The following CES3 variants were observed in gnomAD, a reference collection of about 807,000 sequenced individuals.
CES3 encodes the protein carboxylesterase 3 (brain).
CES3 carries 49 observed loss-of-function variants against 57.6 expected under a neutral mutation model. The observed-to-expected ratio is 0.85, with a 90% CI of 0.68 to 1.08. CES3 has a LOEUF of 1.08. Ranked by LOEUF, CES3 falls within the 50% of genes least tolerant of loss-of-function variation. The pLI is 0.00. For missense variants in CES3, 645 were observed against 742.0 expected, an observed-to-expected ratio of 0.87 and a Z score of 1.52; for synonymous variants, 266 against 281.6, an observed-to-expected ratio of 0.94 and a Z score of 0.55.
rs1274335439 is a variant in CES3 at position 66,973,583 on chromosome 16, G to T, written c.*534G>T. 1 of 154,850 alleles carries T rather than the reference G, an allele frequency of 6.5e-6. No individual in the cohort carries two copies. Among genetic ancestry groups the T allele is most frequent in the Non-Finnish European group, 1.4e-5 (1 of 69,870 alleles). The allele number at this position is 154,850 out of a possible 1,614,324, so 9.6% of individuals were successfully genotyped here. On this transcript the variant is annotated 3_prime_UTR_variant, in exon 13 of 13. Transcript: ENST00000303334. The stretch of plus-strand genomic sequence containing the variant: ...ATGGCAGCTGCTGAACTTGAACCCA[G>T]AGCCTTCAGGTGCCAAAGCCATACT...
intron 1 of CES3, among the ~76,000 whole-genome samples, chr16:66,961,649 C>T (rs1381206753): frequency 1.3e-5 from 2 of 152,058 alleles, no homozygotes; most frequent in Admixed American, 6.6e-5. Context: ...CTGCAACCTC[C>T]GCCTCCTGGA....
In CES3 at chr16:66,963,704, C is replaced by T. The variant is rs754542049; in HGVS notation, c.426+75C>T. The T allele has an allele frequency of 9.3e-6, 15 of 1,613,032 alleles. No homozygotes were observed. In the Admixed American group the frequency reaches 2.5e-4, roughly 27 times the overall value. On this transcript the variant is annotated intron_variant, in intron 3 of 12. Transcript: ENST00000303334. The surrounding 1 kb of genome is among the most constrained non-coding windows in gnomAD (Gnocchi z 4.9). ...ACCTGTCCCCTCCCCGTCCCTGTTTCCAAAGCACCCTAGCGGTCCTGAGAC... is the reference window on the plus strand; with the variant it reads ...ACCTGTCCCCTCCCCGTCCCTGTTTTCAAAGCACCCTAGCGGTCCTGAGAC...
intron 10 of CES3, 69 bp downstream of exon 10, chr16:66,971,388 A>T (rs1346231762): frequency 1.3e-6 from 2 of 1,533,452 alleles, no homozygotes; most frequent in African/African-American, 2.7e-5. Flanking sequence ...ATCACAGGTG[A>T]CATGGCATGA....
chr16:66,973,046 C>G lies in CES3; in HGVS notation c.1713C>G (p.Leu571=), dbSNP rs772435071. The change falls in exon 13 of 13, where the codon CTC becomes CTG. Residue 571 remains leucine (L), a synonymous_variant. Coordinates refer to ENST00000303334, the MANE Select transcript of CES3 (RefSeq NM_024922.6). ...KQKNRKAQED[L] ...AGAACAGGAAGGCCCAGGAGGACCT[C>G]TGAGGCCAGGCCTGAACCTTCTTGG... is the stretch of plus-strand genomic sequence containing the variant. 1 of 1,613,402 alleles carries G rather than the reference C, an allele frequency of 6.2e-7. No individual in the cohort carries two copies. The highest frequency in any genetic ancestry group is 8.5e-7 in the Non-Finnish European group (1 of 1,179,796).
chr16:66,967,633 T>C (rs1963754543), intron 8 of CES3: 1 of 985,278 alleles, frequency 1.0e-6, no homozygotes, highest in African/African-American at 1.7e-5. Flanking sequence ...ATCTTGTTTC[T>C]GTCATTCTTA....
At chr16:66,964,998 C>T (rs770114619) in intron 6 of CES3, among the ~76,000 whole-genome samples, 5 of 152,210 alleles carry the variant, frequency 3.3e-5, no homozygotes, top group Middle Eastern at 3.2e-3. Context: ...CCTCTCTGCC[C>T]CAGGCAGCAT....
chr16:66,964,457 A>G lies in CES3; in HGVS notation c.661A>G (p.Asn221Asp). 6.2e-7 allele frequency: 1 copy of G among 1,613,910 alleles called. No homozygotes were observed. Among genetic ancestry groups the G allele is most frequent in the Non-Finnish European group, 8.5e-7 (1 of 1,179,942 alleles). ...ENIAPFGGDLNCVTVFGGSAG... is the reference protein window; with the variant it reads ...ENIAPFGGDLDCVTVFGGSAG... ...CATCGCCCCCTTCGGGGGTGACCTC[A>G]ACTGTGTCACTGTCTTTGGTGGATC... The change falls in exon 5 of 13, where the codon AAC becomes GAC. Residue 221 changes from asparagine to aspartate, a missense_variant. Physicochemically the swap from Asn to Asp is conservative, Grantham distance 23. Coordinates refer to ENST00000303334, the MANE Select transcript of CES3 (RefSeq NM_024922.6).
chr16:66,963,809 T>C lies in CES3; in HGVS notation c.434T>C (p.Val145Ala). The change falls in exon 4 of 13, where the codon GTA (valine) becomes GCA (alanine). Residue 145 changes from valine (V) to alanine (A), a missense_variant. Transcript: ENST00000303334. The surrounding 1 kb of genome is among the most constrained non-coding windows in gnomAD (Gnocchi z 4.9). The stretch of plus-strand genomic sequence containing the variant: ...CCATGGCCACCTCTGCAGGTCATGG[T>C]ATGGGTCCATGGAGGCGCTCTGATA... ...VPAGSGRPVM[V>A]WVHGGALITG... 1 of 1,613,964 alleles carries C rather than the reference T, an allele frequency of 6.2e-7. No homozygotes were observed. Among genetic ancestry groups the C allele is most frequent in the South Asian group, 1.1e-5 (1 of 91,086 alleles).
intron 6 of CES3, among the ~76,000 whole-genome samples, chr16:66,965,524 A>G (rs1015095497): frequency 6.6e-6 from 1 of 152,164 alleles, no homozygotes; most frequent in Non-Finnish European, 1.5e-5. Flanking sequence ...CATTTTAACC[A>G]CTGTGTACAA....
chr16:66,963,512 C>G lies in CES3; in HGVS notation c.309C>G (p.Ser103Arg). 1 of 1,614,020 alleles carries G rather than the reference C, an allele frequency of 6.2e-7. No homozygotes were observed. The highest frequency in any genetic ancestry group is 1.3e-5 in the African/African-American group (1 of 75,048). Residue 103 changes from serine (S) to arginine (R), a missense_variant, in exon 3 of 13, where the codon AGC becomes AGG. Physicochemically the swap from Ser to Arg is moderately radical, Grantham distance 110. Transcript: ENST00000303334. The surrounding 1 kb of genome is among the most constrained non-coding windows in gnomAD (Gnocchi z 4.9). ...APPMCLQDVE[S>R]MNSSRFVLNG... Reference sequence around the variant, plus strand: ...ACAGGTGCCTACAAGACGTGGAGAGCATGAACAGCAGCAGATTTGTCCTCA... The same window carrying G: ...ACAGGTGCCTACAAGACGTGGAGAGGATGAACAGCAGCAGATTTGTCCTCA...
chr16:66,973,309 G>T lies in CES3; in HGVS notation c.*260G>T. On this transcript the variant is annotated 3_prime_UTR_variant, in exon 13 of 13. Coordinates refer to ENST00000303334, the MANE Select transcript of CES3 (RefSeq NM_024922.6). ...TGGTAGGTTCTAGCACATTCCTCTA[G>T]CTTCCTGGAGGACTCACTCCCCCAG... The T allele has an allele frequency of 2.4e-6, 1 of 409,086 alleles. No homozygotes were observed. Among genetic ancestry groups the T allele is most frequent in the Non-Finnish European group, 4.5e-6 (1 of 223,738 alleles). 25.3% of individuals were successfully genotyped at this position (409,086 alleles called of 1,614,324 possible). A position where few individuals can be genotyped will look rare whatever the true frequency, so the allele number is the denominator to read the frequency against.
At position 66,975,059 on chromosome 16, in the gene CES3, T is replaced by A. The variant is rs1430755759; in HGVS notation, c.*2010T>A. 1.3e-5 allele frequency: 2 copies of A among 152,368 alleles called. No homozygotes were observed. Among genetic ancestry groups the A allele is most frequent in the South Asian group, 2.1e-4 (1 of 4,830 alleles). 9.4% of individuals were successfully genotyped at this position (152,368 alleles called of 1,614,324 possible). ...GACAAGAGAATAAAAGCAGGCTGCC[T>A]GAGCCAGCAGTGACAACCCCCCTCG... On this transcript the variant is annotated 3_prime_UTR_variant, in exon 13 of 13. Transcript: ENST00000303334.
chr16:66,966,588 T>C (rs1963735512), intron 7 of CES3, 137 bp from the exon 8 acceptor site: 1 of 1,188,510 alleles, frequency 8.4e-7, no homozygotes, highest in Non-Finnish European at 1.2e-6. Context: ...CCCGACCCCC[T>C]TAACCCTGGT....
intron 8 of CES3, among the ~76,000 whole-genome samples, chr16:66,968,127 G>A (rs1963766088): frequency 6.6e-6 from 1 of 152,002 alleles, no homozygotes; most frequent in Non-Finnish European, 1.5e-5. Context: ...CTTTCATCTT[G>A]GCATTTGGGC....
In CES3 at chr16:66,964,636, T is replaced by C; in HGVS notation, c.728T>C (p.Val243Ala). ...CAATGCACCCAGGTCCTGTCCCCAGTGGCTGCAGGGCTGTTCCACAGAGCC... is the reference window on the plus strand; with the variant it reads ...CAATGCACCCAGGTCCTGTCCCCAGCGGCTGCAGGGCTGTTCCACAGAGCC... ...SIISGLVLSP[V>A]AAGLFHRAIT... Residue 243 changes from valine to alanine, a missense_variant, in exon 6 of 13, where the codon GTG becomes GCG. Transcript: ENST00000303334. 1 of 1,614,010 alleles carries C rather than the reference T, an allele frequency of 6.2e-7. No homozygotes were observed. Among genetic ancestry groups the C allele is most frequent in the Non-Finnish European group, 8.5e-7 (1 of 1,179,948 alleles).
At position 66,963,990 on chromosome 16, in the gene CES3, C is replaced by T; in HGVS notation, c.560+55C>T. Reference sequence around the variant, plus strand: ...CCTGCACCGGGGAGAGGCCAGCTCACCAGAGCAACTGGGGATCTAGGTTGG... The same window carrying T: ...CCTGCACCGGGGAGAGGCCAGCTCATCAGAGCAACTGGGGATCTAGGTTGG... On this transcript the variant is annotated intron_variant, in intron 4 of 12. Coordinates refer to ENST00000303334, the MANE Select transcript of CES3 (RefSeq NM_024922.6). This position sits in a 1 kb window ranked among gnomAD's most constrained non-coding sequence, Gnocchi z 4.9. 6.3e-7 allele frequency: 1 copy of T among 1,590,734 alleles called. No homozygotes were observed. The highest frequency in any genetic ancestry group is 8.6e-7 in the Non-Finnish European group (1 of 1,162,338).
rs1468145397 is a variant in CES3 at position 66,966,499 on chromosome 16, G to A, written c.921+154G>A. On this transcript the variant is annotated intron_variant, in intron 7 of 12. Coordinates refer to ENST00000303334, the MANE Select transcript of CES3 (RefSeq NM_024922.6). The stretch of plus-strand genomic sequence containing the variant: ...CTGAGGGCTTGGAGACAGAAATGGA[G>A]GGCCATCTCCATCCCCACAGCAGGC... 2.8e-5 allele frequency: 24 copies of A among 842,606 alleles called. No individual in the cohort carries two copies. In the East Asian group the frequency reaches 6.4e-4, roughly 22 times the overall value. The allele number at this position is 842,606 out of a possible 1,614,324, so 52.2% of individuals were successfully genotyped here. A position where few individuals can be genotyped will look rare whatever the true frequency, so the allele number is the denominator to read the frequency against.
At chr16:66,972,770 T>C in intron 12 of CES3, 24 bp downstream of exon 12, 1 of 1,614,080 alleles carries the variant, frequency 6.2e-7, no homozygotes, top group Non-Finnish European at 8.5e-7. Flanking sequence ...AGGGCATAGC[T>C]CGCTTTGGGC....
In CES3 at chr16:66,965,339, G is replaced by A. The variant is rs140891187; in HGVS notation, c.819+612G>A. Among the ~76,000 whole-genome samples the A allele has an allele frequency of 1.1e-4, 16 of 152,288 alleles. No individual in the cohort carries two copies. In the East Asian group the frequency reaches 2.7e-3, roughly 26 times the overall value. On this transcript the variant is annotated intron_variant, in intron 6 of 12. Coordinates refer to ENST00000303334, the MANE Select transcript of CES3 (RefSeq NM_024922.6). ...AGTAGAAGGTGGGTTGGAGGGAGCCGTCCTGAAGATCAAGACACCAGTGAA... is the reference window on the plus strand; with the variant it reads ...AGTAGAAGGTGGGTTGGAGGGAGCCATCCTGAAGATCAAGACACCAGTGAA...
Sources: allele counts gnomAD v4.1 joint callset (sites outside exome capture counted in the v4.1 genomes callset), GRCh38; gene constraint gnomAD v4.1.1; non-coding constraint Gnocchi (gnomAD v3.1); transcripts MANE v1.5; gene names NCBI Gene and HGNC (gene_info 2026-07-23, HGNC 2026-07-21).